The following FGF12 variants were observed in gnomAD, a reference collection of about 807,000 sequenced individuals.
FGF12 encodes the protein fibroblast growth factor 12B.
FGF12 carries 14 observed loss-of-function variants against 23.6 expected under a neutral mutation model. The ratio of observed to expected loss-of-function variants is 0.59; its 90% CI spans 0.39 to 0.93. FGF12 has a LOEUF of 0.93. Among genes scored for constraint, FGF12 ranks in the 40% least tolerant of loss-of-function variants. The pLI, the probability that FGF12 is intolerant of heterozygous loss-of-function variation, is 0.00. For synonymous variants in FGF12, 62 were observed against 77.3 expected, an observed-to-expected ratio of 0.80 and a Z score of 1.04; for missense variants, 175 against 217.8, an observed-to-expected ratio of 0.80 and a Z score of 1.24.
intron 4 of FGF12, among the ~76,000 whole-genome samples, chr3:192,253,447 C>T (rs969223326): frequency 5.3e-5 from 8 of 149,690 alleles, no homozygotes; most frequent in African/African-American, 4.9e-5. Flanking sequence ...AAGGGAAGAA[C>T]AAAAGTAAGA....
chr3:192,210,987 A>T (rs1717901187), intron 4 of FGF12, among the ~76,000 whole-genome samples: 1 of 152,144 alleles, frequency 6.6e-6, no homozygotes, highest in African/African-American at 2.4e-5. Flanking sequence ...AAAACAGGAG[A>T]GATTGCAAGG....
intron 2 of FGF12, among the ~76,000 whole-genome samples, chr3:192,419,799 C>G (rs1167824916): frequency 6.6e-6 from 1 of 152,046 alleles, no homozygotes; most frequent in African/African-American, 2.4e-5. Flanking sequence ...GAGATAGTCA[C>G]GGAAAGCACA....
At chr3:192,311,927 GTCTATCTA>G (rs35183560) in intron 4 of FGF12, among the ~76,000 whole-genome samples, 5,962 of 145,420 alleles carry the variant, frequency 0.041, 156 homozygotes, top group Middle Eastern at 0.076. Flanking sequence ...TTGACTGTCT[GTCTATCTA>G]TCTATCTATC....
intron 4 of FGF12, among the ~76,000 whole-genome samples, chr3:192,308,692 A>G (rs1046400428): frequency 2.0e-5 from 3 of 151,714 alleles, no homozygotes; most frequent in African/African-American, 7.3e-5. Flanking sequence ...AAAAAAAAAA[A>G]GAAATTAATA....
At chr3:192,480,370 TCTC>T (rs1352092971) in intron 2 of FGF12, among the ~76,000 whole-genome samples, 1 of 152,110 alleles carries the variant, frequency 6.6e-6, no homozygotes, top group African/African-American at 2.4e-5. Flanking sequence ...TTCCTTCACT[TCTC>T]CTCTAAATAC....
At chr3:192,445,129 T>C (rs1033747776) in intron 2 of FGF12, among the ~76,000 whole-genome samples, 2 of 152,178 alleles carry the variant, frequency 1.3e-5, no homozygotes, top group East Asian at 1.9e-4. Context: ...GAAACTACCA[T>C]CCATTTTGCA....
At chr3:192,156,448 A>T (rs138751964) in intron 5 of FGF12, among the ~76,000 whole-genome samples, 2 of 152,320 alleles carry the variant, frequency 1.3e-5, no homozygotes, top group East Asian at 3.9e-4. Flanking sequence ...AACTGATTTA[A>T]ACTTTGTTTC....
intron 2 of FGF12, among the ~76,000 whole-genome samples, chr3:192,614,237 A>G (rs1922911): frequency 0.7 from 106,095 of 151,560 alleles, 37,422 homozygotes; most frequent in East Asian, 0.98. Context: ...CATTTTCTAT[A>G]GTTAAAGCTA....
At chr3:192,199,138 T>C (rs1441546186) in intron 4 of FGF12, among the ~76,000 whole-genome samples, 1 of 152,242 alleles carries the variant, frequency 6.6e-6, no homozygotes, top group Non-Finnish European at 1.5e-5. Context: ...TTGCAAATGC[T>C]GACATGTTAC....
At chr3:192,593,122 T>A (rs1346322042) in intron 2 of FGF12, among the ~76,000 whole-genome samples, 1 of 151,576 alleles carries the variant, frequency 6.6e-6, no homozygotes, top group African/African-American at 2.4e-5. Context: ...CCTTCATTGG[T>A]TTCCCCTTCA....
chr3:192,471,186 T>C (rs182853264), intron 2 of FGF12, among the ~76,000 whole-genome samples: 3 of 152,298 alleles, frequency 2.0e-5, no homozygotes, highest in Non-Finnish European at 4.4e-5. Context: ...CTCGCTCAGG[T>C]TGCAGACATG....
At chr3:192,665,092 C>G (rs971747976) in intron 2 of FGF12, among the ~76,000 whole-genome samples, 8 of 152,078 alleles carry the variant, frequency 5.3e-5, no homozygotes, top group African/African-American at 1.9e-4. Context: ...AATAAGATTT[C>G]TGTATTAGAG....
rs117031228 is a variant in FGF12 at position 192,301,857 on chromosome 3, C to A, written c.228+33504G>T. Among the ~76,000 whole-genome samples, 28 of 152,188 alleles carry A rather than the reference C, an allele frequency of 1.8e-4. No homozygotes were observed. In the East Asian group the frequency reaches 5.2e-3, roughly 28 times the overall value. ...GTAAGGAAGGGAGCAGGGAAAGAAA[C>A]AAGGAGGAGGAGGCAAACTTTCGCC... On this transcript the variant is annotated intron_variant, in intron 4 of 5. Coordinates refer to ENST00000445105, the MANE Select transcript of FGF12 (RefSeq NM_004113.6).
At chr3:192,670,587 T>G (rs893430458) in intron 2 of FGF12, among the ~76,000 whole-genome samples, 1 of 152,184 alleles carries the variant, frequency 6.6e-6, no homozygotes, top group Admixed American at 6.5e-5. Context: ...TCCATTGGGA[T>G]AGATCTACGG....
At chr3:192,203,396 AT>A (rs1197296896) in intron 4 of FGF12, among the ~76,000 whole-genome samples, 2 of 152,104 alleles carry the variant, frequency 1.3e-5, no homozygotes, top group African/African-American at 4.8e-5. Flanking sequence ...ATTTGCACAT[AT>A]CCTTATTGAA....
chr3:192,257,020 C>G (rs1310029904), intron 4 of FGF12, among the ~76,000 whole-genome samples: 2 of 152,148 alleles, frequency 1.3e-5, no homozygotes, highest in East Asian at 3.9e-4. Context: ...TGTAATTATG[C>G]TCTCACAGAC....
chr3:192,692,787 A>T (rs1440859589), intron 2 of FGF12, among the ~76,000 whole-genome samples: 1 of 152,062 alleles, frequency 6.6e-6, no homozygotes, highest in Non-Finnish European at 1.5e-5. Context: ...CATGATAAAA[A>T]CTCACAAAAA....
chr3:192,506,266 A>G (rs946958541), intron 2 of FGF12, among the ~76,000 whole-genome samples: 3 of 152,266 alleles, frequency 2.0e-5, no homozygotes, highest in Admixed American at 6.5e-5. Context: ...AATTGTTTCA[A>G]CATTGCTTAT....
intron 2 of FGF12, among the ~76,000 whole-genome samples, chr3:192,683,027 T>A (rs561711919): frequency 6.6e-6 from 1 of 152,324 alleles, no homozygotes; most frequent in East Asian, 1.9e-4. Context: ...ACTCTATGTG[T>A]CTCTTCGTTT....
Sources: allele counts gnomAD v4.1 joint callset (sites outside exome capture counted in the v4.1 genomes callset), GRCh38; gene constraint gnomAD v4.1.1; transcripts MANE v1.5; gene names NCBI Gene and HGNC (gene_info 2026-07-23, HGNC 2026-07-21).